Variants in ARHGAP20 observed in about 807,000 individuals in gnomAD.
ARHGAP20 encodes Rho GTPase activating protein 20.
In ARHGAP20, 34 loss-of-function variants were observed where a neutral mutation model predicts 73.7. The ratio of observed to expected loss-of-function variants is 0.46; its 90% CI spans 0.35 to 0.61. ARHGAP20 has a LOEUF of 0.61. ARHGAP20 is among the 20% of genes least tolerant of loss of function. The pLI, the probability that ARHGAP20 is intolerant of heterozygous loss-of-function variation, is 0.00. For missense variants in ARHGAP20, 1,314 were observed against 1,420.9 expected, an observed-to-expected ratio of 0.92 and a Z score of 1.21; for synonymous variants, 523 against 518.2, an observed-to-expected ratio of 1.01 and a Z score of -0.13.
At chr11:110,616,745 C>T (rs1948493206) in intron 4 of ARHGAP20, among the ~76,000 whole-genome samples, 1 of 143,458 alleles carries the variant, frequency 7.0e-6, no homozygotes, top group South Asian at 2.2e-4. Context: ...TCCTTACTAT[C>T]TTTTGATGTA....
At chr11:110,623,109 C>A (rs554432481) in intron 4 of ARHGAP20, among the ~76,000 whole-genome samples, 29 of 151,946 alleles carry the variant, frequency 1.9e-4, no homozygotes, top group Non-Finnish European at 3.5e-4. Flanking sequence ...GAAACAAACA[C>A]ATTTTTTTTT....
intron 1 of ARHGAP20, among the ~76,000 whole-genome samples, chr11:110,706,968 A>C (rs1257245603): frequency 6.6e-6 from 1 of 152,134 alleles, no homozygotes; most frequent in Non-Finnish European, 1.5e-5. Flanking sequence ...TTACTCACTA[A>C]GATGTTTAAT....
intron 2 of ARHGAP20, among the ~76,000 whole-genome samples, chr11:110,677,617 C>T (rs950950297): frequency 2.0e-5 from 3 of 152,066 alleles, no homozygotes; most frequent in Non-Finnish European, 4.4e-5. Flanking sequence ...TGCACTCCAG[C>T]CTGAGTGACA....
At chr11:110,603,803 C>T (rs1848589) in intron 9 of ARHGAP20, among the ~76,000 whole-genome samples, 18 of 152,126 alleles carry the variant, frequency 1.2e-4, no homozygotes, top group Non-Finnish European at 2.6e-4. Flanking sequence ...ATATGCTCAA[C>T]TGAAATTAGA....
Position 110,580,750 on chromosome 11 carries a change from A to G in ARHGAP20, c.2196T>C (p.Asp732=). 1 of 1,614,036 alleles carries G rather than the reference A, an allele frequency of 6.2e-7. No individual in the cohort carries two copies. Among genetic ancestry groups the G allele is most frequent in the Non-Finnish European group, 8.5e-7 (1 of 1,180,004 alleles). ...YQKKLRKSSC[D]AILSQKDEDY... ...CTTCATCTTTTTGAGAAAGAATTGCATCACAGCTGGACTTGCGTAGCTTTT... is the reference window on the plus strand; with the variant it reads ...CTTCATCTTTTTGAGAAAGAATTGCGTCACAGCTGGACTTGCGTAGCTTTT... Residue 732 remains aspartate, a synonymous_variant, in exon 15 of 15, where the codon GAT becomes GAC. Transcript: ENST00000683387.
chr11:110,650,098 G>C (rs1419818797), intron 2 of ARHGAP20, among the ~76,000 whole-genome samples: 1 of 152,030 alleles, frequency 6.6e-6, no homozygotes, highest in Non-Finnish European at 1.5e-5. Flanking sequence ...ACTAATAATA[G>C]CCTACAATGT....
At chr11:110,712,086 T>C (rs1010113744) in intron 1 of ARHGAP20, 41 bp downstream of exon 1, 14 of 1,262,828 alleles carry the variant, frequency 1.1e-5, no homozygotes, top group Middle Eastern at 6.1e-4. Context: ...CAGTGGGGGC[T>C]GCGGCGGCGG....
chr11:110,653,255 C>T (rs995537491), intron 2 of ARHGAP20, among the ~76,000 whole-genome samples: 1 of 152,056 alleles, frequency 6.6e-6, no homozygotes, highest in Non-Finnish European at 1.5e-5. Flanking sequence ...TTCTGCACAG[C>T]CAAAGAAACC....
intron 2 of ARHGAP20, among the ~76,000 whole-genome samples, chr11:110,687,073 CACACAT>C: frequency 8.9e-6 from 1 of 112,318 alleles, no homozygotes; most frequent in African/African-American, 3.8e-5. Context: ...CACACACACA[CACACAT>C]ATATATAGAC....
At chr11:110,598,349 A>G (rs1279212954) in intron 9 of ARHGAP20, among the ~76,000 whole-genome samples, 2 of 152,308 alleles carry the variant, frequency 1.3e-5, no homozygotes, top group Admixed American at 1.3e-4. Context: ...AGTTCAGGAC[A>G]GACTGGAACT....
In ARHGAP20 at chr11:110,579,245, A is replaced by G; in HGVS notation, c.*125T>C. 5.7e-6 allele frequency: 8 copies of G among 1,404,546 alleles called. No homozygotes were observed. Among genetic ancestry groups the G allele is most frequent in the East Asian group, 2.4e-5 (1 of 42,540 alleles). The allele number at this position is 1,404,546 out of a possible 1,614,324, so 87.0% of individuals were successfully genotyped here. A position where few individuals can be genotyped will look rare whatever the true frequency, so the allele number is the denominator to read the frequency against. On this transcript the variant is annotated 3_prime_UTR_variant, in exon 15 of 15. Coordinates refer to ENST00000683387, the MANE Select transcript of ARHGAP20 (RefSeq NM_001384657.1). ...TAAAGAGAATTATTTCGTTGTCCTA[A>G]GTATTAGCAATGATAATCCTTATGC...
chr11:110,645,652 GA>G (rs1949175462), intron 2 of ARHGAP20, among the ~76,000 whole-genome samples: 1 of 152,104 alleles, frequency 6.6e-6, no homozygotes, highest in South Asian at 2.1e-4. Context: ...TCATTCTACT[GA>G]AAAGACACAT....
At chr11:110,695,458 T>G (rs1410381643) in intron 1 of ARHGAP20, among the ~76,000 whole-genome samples, 1 of 151,602 alleles carries the variant, frequency 6.6e-6, no homozygotes, top group East Asian at 1.9e-4. Flanking sequence ...GACTTGTATC[T>G]ATTATAAAGA....
At position 110,580,545 on chromosome 11, in the gene ARHGAP20, T is replaced by G. The variant is rs1947429235; in HGVS notation, c.2401A>C (p.Ile801Leu). Residue 801 changes from isoleucine to leucine, a missense_variant, in exon 15 of 15, where the codon ATT (isoleucine) becomes CTT (leucine). Physicochemically the swap from Ile to Leu is conservative, Grantham distance 5. Around this residue, in one of 3 missense-constraint regions of ARHGAP20, gnomAD observed 641 missense variants for 636.9 expected, o/e 1.01. Coordinates refer to ENST00000683387, the MANE Select transcript of ARHGAP20 (RefSeq NM_001384657.1). ...ATAGGACTATAAGATGCCACAGAAA[T>G]GGCCACTGGCTTAGACTTAGGGAAA... is the stretch of plus-strand genomic sequence containing the variant. ...KLFPKSKPVA[I>L]SVASYSPMSS... is the part of the protein sequence containing the mutation. 6.2e-7 allele frequency: 1 copy of G among 1,614,122 alleles called. No homozygotes were observed. Among genetic ancestry groups the G allele is most frequent in the Non-Finnish European group, 8.5e-7 (1 of 1,180,054 alleles).
Position 110,615,594 on chromosome 11 carries a change from A to G in ARHGAP20, c.504T>C (p.Ser168=). 1 of 1,612,008 alleles carries G rather than the reference A, an allele frequency of 6.2e-7. No homozygotes were observed. Among genetic ancestry groups the G allele is most frequent in the Non-Finnish European group, 8.5e-7 (1 of 1,179,180 alleles). ...GCCATTTGTCCTTTTGTTCTGGAGA[A>G]CTGCAATCAAAGAAAATGGGAGAGA... ...WPTVNFVATF[S]SPEQKDKWLS... The change falls in exon 5 of 15, where the codon AGT becomes AGC. Residue 168 remains serine, a splice_region_variant and synonymous_variant. Transcript: ENST00000683387.
rs933334230 is a variant in ARHGAP20, at chr11:110,589,390, T to C, written c.1305+1258A>G. 1.5e-5 allele frequency: 15 copies of C among 984,344 alleles called. No individual in the cohort carries two copies. The African/African-American group carries it at 2.6e-4, about 17-fold the overall frequency. The allele number at this position is 984,344 out of a possible 1,614,324, so 61.0% of individuals were successfully genotyped here. A position where few individuals can be genotyped will look rare whatever the true frequency, so the allele number is the denominator to read the frequency against. ...ATTTATCCAGAAACATCTGATTGTATATAAAGTCATGAAGTAACATTCTGT... is the reference window on the plus strand; with the variant it reads ...ATTTATCCAGAAACATCTGATTGTACATAAAGTCATGAAGTAACATTCTGT... On this transcript the variant is annotated intron_variant, in intron 11 of 14. Transcript: ENST00000683387.
At chr11:110,605,769 G>A (rs1948211911) in intron 9 of ARHGAP20, among the ~76,000 whole-genome samples, 1 of 152,164 alleles carries the variant, frequency 6.6e-6, no homozygotes, top group Non-Finnish European at 1.5e-5. Flanking sequence ...CAAGGTCTAC[G>A]CCATCCCTTT....
At chr11:110,705,738 G>C (rs1006690866) in intron 1 of ARHGAP20, among the ~76,000 whole-genome samples, 1 of 152,146 alleles carries the variant, frequency 6.6e-6, no homozygotes, top group Non-Finnish European at 1.5e-5. Context: ...TGAGTTGAGA[G>C]AGTTTCAACT....
At chr11:110,627,769 G>T (rs1298858486) in intron 3 of ARHGAP20, among the ~76,000 whole-genome samples, 3 of 152,114 alleles carry the variant, frequency 2.0e-5, no homozygotes, top group Non-Finnish European at 4.4e-5. Context: ...CCATATGGGT[G>T]CTCAATGGCT....
Sources: gnomAD v4.1 joint callset for allele counts (sites outside exome capture counted in the v4.1 genomes callset) on GRCh38, gnomAD v4.1.1 for gene constraint, gnomAD v4.1.1 regional missense constraint, MANE v1.5 for transcripts, NCBI Gene and HGNC (gene_info 2026-07-23, HGNC 2026-07-21) for gene names.